Variants in COQ8A observed in about 807,000 individuals in gnomAD.
COQ8A encodes the protein coenzyme Q8A.
A neutral mutation model predicts 65.0 loss-of-function variants in COQ8A; 51 were observed. The ratio of observed to expected loss-of-function variants is 0.78; its 90% CI spans 0.63 to 0.99. The LOEUF is 0.99. COQ8A is among the 50% of genes least tolerant of loss of function. The probability of loss-of-function intolerance (pLI) is 0.00; values close to 1 mark genes in which losing one functional copy is unlikely to be tolerated. For synonymous variants in COQ8A, 371 were observed against 353.2 expected (o/e 1.05, Z -0.57); for missense variants, 940 against 875.0 (o/e 1.07, Z -0.94).
At chr1:226,981,020 G>A (rs1159579843) in intron 5 of COQ8A, among the ~76,000 whole-genome samples, 3 of 152,250 alleles carry the variant, frequency 2.0e-5, no homozygotes, top group Non-Finnish European at 2.9e-5. Flanking sequence ...TGCTGTGGGG[G>A]CCAGAGAGGA....
At chr1:226,947,491 A>G (rs1205115828) in intron 1 of COQ8A, among the ~76,000 whole-genome samples, 1 of 152,200 alleles carries the variant, frequency 6.6e-6, no homozygotes, top group African/African-American at 2.4e-5. Context: ...ACCTGAAGTA[A>G]AAGTGTTTTG....
At chr1:226,976,343 C>A (rs1171086292) in intron 4 of COQ8A, among the ~76,000 whole-genome samples, 1 of 149,496 alleles carries the variant, frequency 6.7e-6, no homozygotes, top group African/African-American at 2.5e-5. Context: ...TGCGGGACTG[C>A]GGGGCTGTGG....
intron 2 of COQ8A, among the ~76,000 whole-genome samples, chr1:226,962,126 G>C (rs1202308032): frequency 6.6e-6 from 1 of 152,200 alleles, no homozygotes; most frequent in African/African-American, 2.4e-5. Context: ...GCCTTCGAAG[G>C]CCCTTCCCAC....
At chr1:226,952,511 G>A (rs910240715) in intron 1 of COQ8A, among the ~76,000 whole-genome samples, 2 of 151,584 alleles carry the variant, frequency 1.3e-5, no homozygotes, top group South Asian at 4.2e-4. Flanking sequence ...AAATCCCTGG[G>A]CTCAAGCGAT....
Position 226,945,591 on chromosome 1 carries a change from C to CT in COQ8A, c.-10+5193dup, listed in dbSNP as rs150516847. Among the ~76,000 whole-genome samples the CT allele has an allele frequency of 3.2e-3, 495 of 152,322 alleles. 16 individuals are homozygous for CT. In the East Asian group the frequency reaches 0.063, roughly 19 times the overall value. ...TAATCTTCCCGAGATTGAAAAAATC[C>CT]TGTGGCTCTTGCTCCCTAAGGTGTT... On this transcript the variant is annotated intron_variant, in intron 1 of 14. Coordinates refer to ENST00000366777, the MANE Select transcript of COQ8A (RefSeq NM_020247.5).
At chr1:226,978,177 ATCC>A (rs1469770302) in intron 5 of COQ8A, among the ~76,000 whole-genome samples, 1 of 142,832 alleles carries the variant, frequency 7.0e-6, no homozygotes, top group Non-Finnish European at 1.5e-5. Context: ...ACCTTTTTAC[ATCC>A]TCCACACACC....
At chr1:226,971,153 C>G (rs1658887468) in intron 4 of COQ8A, among the ~76,000 whole-genome samples, 1 of 152,070 alleles carries the variant, frequency 6.6e-6, no homozygotes, top group Admixed American at 6.5e-5. Flanking sequence ...GTTGGCCAGG[C>G]TGATCTCGAA....
chr1:226,964,831 G>A (rs1284655216), intron 2 of COQ8A, among the ~76,000 whole-genome samples, 169 bp from the exon 3 acceptor site: 3 of 152,168 alleles, frequency 2.0e-5, no homozygotes, highest in Admixed American at 6.5e-5. Context: ...CCCAGGTCCC[G>A]GCTCCCAGGC....
At chr1:226,982,574 G>A in intron 6 of COQ8A, 104 bp from the exon 7 acceptor site, 2 of 1,228,638 alleles carry the variant, frequency 1.6e-6, no homozygotes, top group Non-Finnish European at 2.4e-6. Context: ...TGCTCCTGGT[G>A]GGGAGGGTGT....
At chr1:226,960,036 G>T (rs1658057924) in intron 1 of COQ8A, among the ~76,000 whole-genome samples, 1 of 150,568 alleles carries the variant, frequency 6.6e-6, no homozygotes, top group South Asian at 2.1e-4. Context: ...GGTGGTGGTA[G>T]TGGTACTTGG....
chr1:226,951,426 G>A (rs966077495), intron 1 of COQ8A, among the ~76,000 whole-genome samples: 1 of 152,192 alleles, frequency 6.6e-6, no homozygotes, highest in Admixed American at 6.5e-5. Flanking sequence ...CCCCAGGCCT[G>A]TCCCTTCATG....
At chr1:226,978,164 C>T (rs977394773) in intron 5 of COQ8A, among the ~76,000 whole-genome samples, 13 of 150,646 alleles carry the variant, frequency 8.6e-5, no homozygotes, top group Non-Finnish European at 8.9e-5. Flanking sequence ...CACACACCCA[C>T]GCACCTTTTT....
chr1:226,971,966 T>C (rs1467352938), intron 4 of COQ8A, among the ~76,000 whole-genome samples: 3 of 152,248 alleles, frequency 2.0e-5, no homozygotes, highest in Non-Finnish European at 4.4e-5. Context: ...GGACTCCAAT[T>C]ACACATATGT....
At chr1:226,945,719 G>C (rs1433696058) in intron 1 of COQ8A, among the ~76,000 whole-genome samples, 1 of 152,222 alleles carries the variant, frequency 6.6e-6, no homozygotes, top group Non-Finnish European at 1.5e-5. Flanking sequence ...GGCCAGGGCT[G>C]ATTGGCCTGC....
intron 5 of COQ8A, among the ~76,000 whole-genome samples, chr1:226,978,345 C>T (rs1425171612): frequency 1.4e-5 from 2 of 139,066 alleles, no homozygotes; most frequent in African/African-American, 5.3e-5. Flanking sequence ...CCTCCACCCA[C>T]CCTCCACCCA....
intron 2 of COQ8A, among the ~76,000 whole-genome samples, chr1:226,962,754 C>T (rs1658329058): frequency 1.3e-5 from 2 of 152,220 alleles, no homozygotes; most frequent in Non-Finnish European, 2.9e-5. Context: ...CCAAGCATAC[C>T]TGCCTTTAAT....
At chr1:226,945,797 G>A (rs765092861) in intron 1 of COQ8A, among the ~76,000 whole-genome samples, 48 of 152,368 alleles carry the variant, frequency 3.2e-4, no homozygotes, top group Middle Eastern at 6.8e-3. Context: ...GGACGGGGGT[G>A]ACGCAGAGGA....
chr1:226,965,616 G>A, intron 3 of COQ8A, 55 bp from the exon 4 acceptor site: 2 of 1,590,716 alleles, frequency 1.3e-6, no homozygotes, highest in Non-Finnish European at 1.7e-6. Context: ...AGCCTCTGAA[G>A]GTTGGTCCTG....
At chr1:226,945,436 GTGTT>G (rs993065170) in intron 1 of COQ8A, among the ~76,000 whole-genome samples, 1 of 152,258 alleles carries the variant, frequency 6.6e-6, no homozygotes, top group Non-Finnish European at 1.5e-5. Flanking sequence ...CCCCAGCCCA[GTGTT>G]TGTTCTGTGC....
Sources: allele counts gnomAD v4.1 joint callset (sites outside exome capture counted in the v4.1 genomes callset), GRCh38; gene constraint gnomAD v4.1.1; transcripts MANE v1.5; gene names NCBI Gene and HGNC (gene_info 2026-07-23, HGNC 2026-07-21).